Variants in ST7L observed in about 807,000 individuals in gnomAD.
The protein encoded by ST7L is suppressor of tumorigenicity 7 protein-like.
ST7L carries 57 observed loss-of-function variants against 72.5 expected under a neutral mutation model. The ratio of observed to expected loss-of-function variants is 0.79; its 90% CI spans 0.64 to 0.98. The LOEUF (loss-of-function observed/expected upper bound fraction) is 0.98. Among genes scored for constraint, ST7L ranks in the 50% least tolerant of loss-of-function variants. The probability of loss-of-function intolerance (pLI) is 0.00; values close to 1 mark genes in which losing one functional copy is unlikely to be tolerated. For missense variants in ST7L, 576 were observed against 672.2 expected, an observed-to-expected ratio of 0.86 and a Z score of 1.58; for synonymous variants, 221 against 240.9, an observed-to-expected ratio of 0.92 and a Z score of 0.77.
intron 4 of ST7L, among the ~76,000 whole-genome samples, chr1:112,600,079 C>T (rs567529178): frequency 1.3e-5 from 2 of 152,078 alleles, no homozygotes; most frequent in African/African-American, 4.8e-5. Flanking sequence ...TTGCTCTTGT[C>T]GCCTGGGCTG....
intron 6 of ST7L, 68 bp from the exon 7 acceptor site, chr1:112,584,194 C>T: frequency 6.7e-7 from 1 of 1,490,334 alleles, no homozygotes; most frequent in Non-Finnish European, 9.0e-7. Context: ...TGGTTATGTC[C>T]CTTTGCTCTA....
chr1:112,567,071 C>T (rs1233714279), intron 11 of ST7L, among the ~76,000 whole-genome samples: 1 of 152,164 alleles, frequency 6.6e-6, no homozygotes, highest in African/African-American at 2.4e-5. Flanking sequence ...GTAATCTTAG[C>T]AGCAGTGTAT....
At chr1:112,570,245 TCA>T (rs1053279565) in intron 11 of ST7L, among the ~76,000 whole-genome samples, 25 of 152,118 alleles carry the variant, frequency 1.6e-4, no homozygotes, top group African/African-American at 6.0e-4. Flanking sequence ...TGTGGTACTA[TCA>T]GTTACTATAC....
At chr1:112,547,436 G>A (rs894509394) in intron 13 of ST7L, among the ~76,000 whole-genome samples, 5 of 151,232 alleles carry the variant, frequency 3.3e-5, no homozygotes, top group African/African-American at 7.3e-5. Flanking sequence ...CAAGTGATCC[G>A]CCCAGCTCAG....
chr1:112,567,712 C>G (rs1161468961), intron 11 of ST7L, among the ~76,000 whole-genome samples: 1 of 152,126 alleles, frequency 6.6e-6, no homozygotes, highest in Non-Finnish European at 1.5e-5. Flanking sequence ...AGTTCCATTT[C>G]CCCATTGAAT....
chr1:112,592,345 C>T lies in ST7L; in HGVS notation c.623-742G>A, dbSNP rs570147375. On this transcript the variant is annotated intron_variant, in intron 5 of 14. Coordinates refer to ENST00000358039, the MANE Select transcript of ST7L (RefSeq NM_017744.5). ...GAACCTATGAGTGTTGCTTTTGGAA[C>T]AAAACCTGCAACTGTCCAGGAAGAA... Among the ~76,000 whole-genome samples the T allele has an allele frequency of 2.7e-4, 41 of 152,262 alleles. 1 individual carries two copies. In the South Asian group the frequency reaches 8.3e-3, roughly 31 times the overall value.
In ST7L at chr1:112,597,970, C is replaced by T. The variant is rs1447772605; in HGVS notation, c.622+1G>A. Reference sequence around the variant, plus strand: ...ATACTATGAACAGATATGATACATACCTGTGTCTGAAGGACGTAAAAAATC... The same window carrying T: ...ATACTATGAACAGATATGATACATATCTGTGTCTGAAGGACGTAAAAAATC... On this transcript the variant is annotated splice_donor_variant, in intron 5 of 14. Transcript: ENST00000358039. LOFTEE classifies it high-confidence loss of function. 9.4e-6 allele frequency: 15 copies of T among 1,603,978 alleles called. No individual in the cohort carries two copies. The highest frequency in any genetic ancestry group is 1.3e-5 in the Non-Finnish European group (15 of 1,171,966).
In ST7L at chr1:112,570,247, A is replaced by G. The variant is rs564807755; in HGVS notation, c.1245+6739T>C. 3.9e-5 allele frequency among the ~76,000 whole-genome samples: 6 copies of G among 152,096 alleles called. No homozygotes were observed. The South Asian group carries it at 1.2e-3, about 31-fold the overall frequency. ...CTATTTTTTTTACTGTGGTACTATC[A>G]GTTACTATACACTGAAATTCATTTA... On this transcript the variant is annotated intron_variant, in intron 11 of 14. Coordinates refer to ENST00000358039, the MANE Select transcript of ST7L (RefSeq NM_017744.5).
intron 11 of ST7L, among the ~76,000 whole-genome samples, chr1:112,573,495 CTT>C (rs1662517063): frequency 6.6e-6 from 1 of 151,264 alleles, no homozygotes; most frequent in African/African-American, 2.4e-5. Context: ...AAAAATACAA[CTT>C]AACAAAAACA....
rs1433399985 is a variant in ST7L, at chr1:112,572,298, C to T, written c.1245+4688G>A. On this transcript the variant is annotated intron_variant, in intron 11 of 14. Coordinates refer to ENST00000358039, the MANE Select transcript of ST7L (RefSeq NM_017744.5). ...AATGGTAAGTAAGCACTGGCTTCAA[C>T]TTAAAGTCACCAGCTGCATTAGCCC... Among the ~76,000 whole-genome samples, 6 of 152,294 alleles carry T rather than the reference C, an allele frequency of 3.9e-5. No homozygotes were observed. The East Asian group carries it at 7.7e-4, about 20-fold the overall frequency.
rs954694594 is a variant in ST7L at position 112,568,615 on chromosome 1, A to G, written c.1245+8371T>C. Among the ~76,000 whole-genome samples, 13 of 151,442 alleles carry G rather than the reference A, an allele frequency of 8.6e-5. 1 individual carries two copies. The highest frequency in any genetic ancestry group is 5.9e-4 in the East Asian group (3 of 5,128). ...CTCCCAAAGTGCTGGGATTACAGGC[A>G]TGAGCCACTGCGCCTGGCCAATAAT... is the stretch of plus-strand genomic sequence containing the variant. On this transcript the variant is annotated intron_variant, in intron 11 of 14. Transcript: ENST00000358039.
At chr1:112,594,483 G>A (rs903434319) in intron 5 of ST7L, among the ~76,000 whole-genome samples, 1 of 152,144 alleles carries the variant, frequency 6.6e-6, no homozygotes, top group Admixed American at 6.5e-5. Flanking sequence ...AGTTCTATTA[G>A]CACCCCTCCC....
chr1:112,602,083 C>CA (rs71584754), intron 3 of ST7L, among the ~76,000 whole-genome samples: 323 of 88,724 alleles, frequency 3.6e-3, no homozygotes, highest in East Asian at 5.3e-3. Context: ...AAACTCCATC[C>CA]AAAAAAAAAA....
intron 9 of ST7L, among the ~76,000 whole-genome samples, chr1:112,581,030 G>C (rs1664025215): frequency 6.6e-6 from 1 of 152,210 alleles, no homozygotes; most frequent in Non-Finnish European, 1.5e-5. Flanking sequence ...CTGGCTGGGA[G>C]ACCTTACTCC....
In ST7L at chr1:112,583,978, G is replaced by A. The variant is rs1664498191; in HGVS notation, c.850C>T (p.Gln284Ter). ...CCAGTTCAAACTTGCTTACTCAGTT[G>A]AGCTTCATGCTGAGGACTTTGGTGC... ...CQHQSPQHEA[Q>*]LRRDTNVLVY... Residue 284 changes from glutamine (Q) to a stop codon, truncating the protein, a stop_gained, in exon 7 of 15, where the codon CAA (glutamine) becomes TAA (stop). Coordinates refer to ENST00000358039, the MANE Select transcript of ST7L (RefSeq NM_017744.5). LOFTEE classifies it high-confidence loss of function. The A allele has an allele frequency of 6.2e-7, 1 of 1,613,502 alleles. No individual in the cohort carries two copies. Among genetic ancestry groups the A allele is most frequent in the South Asian group, 1.1e-5 (1 of 90,936 alleles).
At chr1:112,550,779 C>G (rs915017104) in intron 12 of ST7L, 86 bp from the exon 13 acceptor site, 2 of 1,093,412 alleles carry the variant, frequency 1.8e-6, no homozygotes, top group African/African-American at 3.2e-5. Flanking sequence ...AGAAATTTCA[C>G]ATACTATTTT....
At chr1:112,605,937 T>G (rs1050696878) in intron 3 of ST7L, among the ~76,000 whole-genome samples, 5 of 152,254 alleles carry the variant, frequency 3.3e-5, no homozygotes, top group Non-Finnish European at 5.9e-5. Context: ...TTCTTCCTTT[T>G]CTTTGAAGTC....
chr1:112,538,310 C>T (rs1655528860), intron 14 of ST7L, among the ~76,000 whole-genome samples: 1 of 152,180 alleles, frequency 6.6e-6, no homozygotes, highest in African/African-American at 2.4e-5. Context: ...TCACCTTCTA[C>T]ATTCATATAC....
At chr1:112,563,507 G>A (rs1322575736) in intron 11 of ST7L, among the ~76,000 whole-genome samples, 1 of 152,136 alleles carries the variant, frequency 6.6e-6, no homozygotes, top group Non-Finnish European at 1.5e-5. Flanking sequence ...ACAAACCAAA[G>A]CTAGGACCTA....
Sources: allele counts gnomAD v4.1 joint callset (sites outside exome capture counted in the v4.1 genomes callset), GRCh38; gene constraint gnomAD v4.1.1; transcripts MANE v1.5; gene names NCBI Gene and HGNC (gene_info 2026-07-23, HGNC 2026-07-21).